ALK: variants seen among roughly 807,000 people sequenced by gnomAD.
ALK encodes ALK receptor tyrosine kinase, also known as ALK tyrosine kinase receptor.
In ALK, 74 loss-of-function variants were observed where a neutral mutation model predicts 163.1. That is an observed-to-expected ratio of 0.45 (90% CI 0.38 to 0.55). ALK has a LOEUF of 0.55. ALK is among the 20% of genes least tolerant of loss of function. The pLI, the probability that ALK is intolerant of heterozygous loss-of-function variation, is 0.00. For missense variants in ALK, 2,063 were observed against 2,105.3 expected, an observed-to-expected ratio of 0.98 and a Z score of 0.39; for synonymous variants, 960 against 843.2, an observed-to-expected ratio of 1.14 and a Z score of -2.40.
chr2:29,465,320 A>G (rs1671183304), intron 4 of ALK, among the ~76,000 whole-genome samples: 1 of 152,244 alleles, frequency 6.6e-6, no homozygotes, highest in African/African-American at 2.4e-5. Context: ...TTAGGATTCT[A>G]TATTCAACAT....
intron 4 of ALK, among the ~76,000 whole-genome samples, chr2:29,440,656 C>T (rs1670518386): frequency 6.6e-6 from 1 of 152,174 alleles, no homozygotes; most frequent in Admixed American, 6.5e-5. Flanking sequence ...TATGCAACTG[C>T]TGCAAACCCT....
intron 5 of ALK, among the ~76,000 whole-genome samples, chr2:29,380,817 T>G (rs1412113988): frequency 6.6e-6 from 1 of 152,160 alleles, no homozygotes; most frequent in Non-Finnish European, 1.5e-5. Context: ...TCCTCCATGA[T>G]CCAATTACCC....
At chr2:29,265,006 T>G (rs1665181313) in intron 11 of ALK, among the ~76,000 whole-genome samples, 1 of 151,192 alleles carries the variant, frequency 6.6e-6, no homozygotes, top group South Asian at 2.1e-4. Flanking sequence ...CAGGGTGCCC[T>G]GTTTTTTTTT....
intron 4 of ALK, among the ~76,000 whole-genome samples, chr2:29,414,477 C>T (rs1431291785): frequency 6.6e-6 from 1 of 152,172 alleles, no homozygotes; most frequent in Non-Finnish European, 1.5e-5. Context: ...TTCATTGTTT[C>T]TTTCTCTCCC....
At chr2:29,222,726 T>C (rs909917700) in intron 20 of ALK, 119 bp from the exon 21 acceptor site, 6 of 820,400 alleles carry the variant, frequency 7.3e-6, no homozygotes, top group African/African-American at 1.7e-5. Context: ...GGGGGTAACA[T>C]ACACACTCAG....
At position 29,753,852 on chromosome 2, in the gene ALK, T is replaced by C. The variant is rs1398943348; in HGVS notation, c.668-36155A>G. Reference sequence around the variant, plus strand: ...CTGATGCTAGACATGCCAAAAGAAATGGAAATGTTTGCTTTGGCATTAGCA... The same window carrying C: ...CTGATGCTAGACATGCCAAAAGAAACGGAAATGTTTGCTTTGGCATTAGCA... On this transcript the variant is annotated intron_variant, in intron 1 of 28. Transcript: ENST00000389048. 2.6e-5 allele frequency among the ~76,000 whole-genome samples: 4 copies of C among 152,132 alleles called. No individual in the cohort carries two copies. In the East Asian group the frequency reaches 7.7e-4, roughly 29 times the overall value.
chr2:29,230,818 G>A (rs1390105860), intron 15 of ALK, among the ~76,000 whole-genome samples: 2 of 152,120 alleles, frequency 1.3e-5, no homozygotes, highest in African/African-American at 2.4e-5. Context: ...CCCCTTAGGC[G>A]CGTTAGGGGC....
chr2:29,513,359 T>C (rs1209389348), intron 4 of ALK, among the ~76,000 whole-genome samples: 2 of 145,754 alleles, frequency 1.4e-5, no homozygotes, highest in Admixed American at 1.4e-4. Flanking sequence ...TCTACAACTA[T>C]CTGATCTTTG....
chr2:29,200,645 C>G (rs1420535951), intron 26 of ALK, among the ~76,000 whole-genome samples: 1 of 146,072 alleles, frequency 6.8e-6, no homozygotes, highest in African/African-American at 2.5e-5. Context: ...CTTTCATCAC[C>G]TATAAGCCTG....
chr2:29,717,476 G>A (rs993686138), intron 2 of ALK, 102 bp downstream of exon 2: 2 of 1,407,022 alleles, frequency 1.4e-6, no homozygotes, highest in African/African-American at 2.8e-5. Context: ...AGGGAGCTGA[G>A]GGAATGCCCT....
At chr2:29,490,954 AT>A (rs932938597) in intron 4 of ALK, among the ~76,000 whole-genome samples, 2 of 152,070 alleles carry the variant, frequency 1.3e-5, no homozygotes, top group African/African-American at 4.8e-5. Context: ...GTAGTAGTAA[AT>A]TTTTACCTGC....
At chr2:29,919,549 A>G (rs1236438455) in intron 1 of ALK, among the ~76,000 whole-genome samples, 1 of 152,182 alleles carries the variant, frequency 6.6e-6, no homozygotes, top group Non-Finnish European at 1.5e-5. Flanking sequence ...GAGAAATTCT[A>G]TATTCCCTGA....
intron 4 of ALK, among the ~76,000 whole-genome samples, chr2:29,458,365 T>C (rs1470735519): frequency 6.6e-6 from 1 of 152,132 alleles, no homozygotes; most frequent in Non-Finnish European, 1.5e-5. Flanking sequence ...AGACGCTATG[T>C]TGTAATATTA....
intron 1 of ALK, among the ~76,000 whole-genome samples, chr2:29,906,944 T>TG (rs945112893): frequency 1.6e-5 from 2 of 122,082 alleles, no homozygotes; most frequent in Non-Finnish European, 3.2e-5. Flanking sequence ...AAGGTTTTTT[T>TG]TTTTTTTTTT....
At chr2:29,242,182 G>A (rs946911706) in intron 12 of ALK, among the ~76,000 whole-genome samples, 2 of 152,222 alleles carry the variant, frequency 1.3e-5, no homozygotes, top group Non-Finnish European at 2.9e-5. Context: ...GGACAGCAGT[G>A]TGGATGGGCC....
intron 1 of ALK, among the ~76,000 whole-genome samples, chr2:29,780,837 C>A (rs1681312803): frequency 6.6e-6 from 1 of 152,214 alleles, no homozygotes; most frequent in African/African-American, 2.4e-5. Flanking sequence ...GAAACCTAAG[C>A]TCTAATTTTT....
At chr2:29,406,052 C>T (rs923015638) in intron 4 of ALK, among the ~76,000 whole-genome samples, 2 of 152,150 alleles carry the variant, frequency 1.3e-5, no homozygotes, top group African/African-American at 4.8e-5. Flanking sequence ...GTTGATGATG[C>T]CAATAATCAG....
chr2:29,421,133 A>G lies in ALK; in HGVS notation c.1155-37274T>C, dbSNP rs1338301688. 2.6e-5 allele frequency among the ~76,000 whole-genome samples: 4 copies of G among 151,478 alleles called. 1 individual carries two copies. The highest frequency in any genetic ancestry group is 2.1e-4 in the South Asian group (1 of 4,824). On this transcript the variant is annotated intron_variant, in intron 4 of 28. Transcript: ENST00000389048. The stretch of plus-strand genomic sequence containing the variant: ...GGAGATTGGCTCCAATCTGTTCTCT[A>G]AGACAACGGACATCCTCTGCTGGTA...
intron 4 of ALK, among the ~76,000 whole-genome samples, chr2:29,386,234 A>G (rs1179844524): frequency 1.3e-5 from 2 of 152,208 alleles, no homozygotes; most frequent in East Asian, 1.9e-4. Flanking sequence ...TTCTTCAGCC[A>G]TTTAATAAAA....
Sources: gnomAD v4.1 joint callset for allele counts (sites outside exome capture counted in the v4.1 genomes callset) on GRCh38, gnomAD v4.1.1 for gene constraint, MANE v1.5 for transcripts, NCBI Gene and HGNC (gene_info 2026-07-23, HGNC 2026-07-21) for gene names.